Variants in PSPC1 observed in about 807,000 individuals in gnomAD.
The protein encoded by PSPC1 is paraspeckle protein 1.
A neutral mutation model predicts 51.6 loss-of-function variants in PSPC1; 14 were observed. That is an observed-to-expected ratio of 0.27 (90% confidence interval 0.18 to 0.42). The LOEUF (loss-of-function observed/expected upper bound fraction) is 0.42. Ranked by LOEUF, PSPC1 falls within the 10% of genes least tolerant of loss-of-function variation. The pLI, the probability that PSPC1 is intolerant of heterozygous loss-of-function variation, is 1.00. For synonymous variants in PSPC1, 193 were observed against 231.9 expected, an observed-to-expected ratio of 0.83 and a Z score of 1.53; for missense variants, 406 against 701.1, an observed-to-expected ratio of 0.58 and a Z score of 4.75.
intron 2 of PSPC1, among the ~76,000 whole-genome samples, chr13:19,768,284 C>G (rs1364815392): frequency 2.6e-5 from 4 of 151,804 alleles, no homozygotes; most frequent in Non-Finnish European, 5.9e-5. Context: ...CACAGACTGG[C>G]AGGAAGATTT....
chr13:19,707,163 T>G (rs1880790984), intron 7 of PSPC1, among the ~76,000 whole-genome samples: 2 of 152,148 alleles, frequency 1.3e-5, no homozygotes, highest in South Asian at 4.1e-4. Context: ...AATGGTGGGT[T>G]CGGAAGTTTT....
chr13:19,712,625 A>C (rs1881586880), intron 6 of PSPC1, among the ~76,000 whole-genome samples: 2 of 152,148 alleles, frequency 1.3e-5, no homozygotes, highest in South Asian at 4.1e-4. Flanking sequence ...AATTGGTACA[A>C]GTTCTAAAAT....
intron 6 of PSPC1, among the ~76,000 whole-genome samples, chr13:19,694,418 A>C (rs1029067468): frequency 5.9e-5 from 9 of 152,222 alleles, no homozygotes; most frequent in African/African-American, 2.2e-4. Flanking sequence ...CAACAGGTGA[A>C]ATTAGCTTAA....
chr13:19,688,679 G>A (rs371209312), intron 6 of PSPC1, among the ~76,000 whole-genome samples: 162 of 152,208 alleles, frequency 1.1e-3, no homozygotes, highest in Non-Finnish European at 9.9e-4. Flanking sequence ...CTTGCTGGAC[G>A]GAGCTTATAT....
At chr13:19,723,960 C>G (rs979016063) in intron 6 of PSPC1, among the ~76,000 whole-genome samples, 3 of 152,174 alleles carry the variant, frequency 2.0e-5, no homozygotes, top group African/African-American at 7.2e-5. Context: ...CATCATTATA[C>G]CATAAATAAG....
intron 1 of PSPC1, among the ~76,000 whole-genome samples, chr13:19,775,660 C>T (rs1298545503): frequency 1.3e-5 from 2 of 152,174 alleles, no homozygotes; most frequent in African/African-American, 4.8e-5. Context: ...TAGCAGCAAG[C>T]ACTTAATAAA....
At chr13:19,721,574 CTCAGTAGAGAATT>C (rs1348764997) in intron 6 of PSPC1, among the ~76,000 whole-genome samples, 7 of 152,184 alleles carry the variant, frequency 4.6e-5, no homozygotes, top group African/African-American at 1.7e-4. Flanking sequence ...TAATGACACT[CTCAGTAGAGAATT>C]TCATTTTCTA....
At chr13:19,688,584 G>A (rs898886309) in intron 6 of PSPC1, among the ~76,000 whole-genome samples, 1 of 152,082 alleles carries the variant, frequency 6.6e-6, no homozygotes, top group African/African-American at 2.4e-5. Context: ...CTTCTAACAT[G>A]TATCAGTTGT....
chr13:19,676,369 T>C (rs1876635266), intron 7 of PSPC1, among the ~76,000 whole-genome samples: 1 of 152,232 alleles, frequency 6.6e-6, no homozygotes, highest in East Asian at 1.9e-4. Flanking sequence ...CAGATGGCGA[T>C]GCTGCTGGTC....
At chr13:19,735,808 T>C (rs1884702030) in intron 5 of PSPC1, among the ~76,000 whole-genome samples, 1 of 151,834 alleles carries the variant, frequency 6.6e-6, no homozygotes, top group Non-Finnish European at 1.5e-5. Flanking sequence ...TTATACATAC[T>C]GCAAAACTAC....
intron 6 of PSPC1, among the ~76,000 whole-genome samples, chr13:19,695,825 T>C (rs990851465): frequency 1.4e-4 from 21 of 152,140 alleles, no homozygotes; most frequent in Admixed American, 6.6e-5. Context: ...TAATCATTTC[T>C]TGACTGAAGA....
chr13:19,673,197 G>A, downstream of PSPC1: 1 of 441,248 alleles, frequency 2.3e-6, no homozygotes, highest in Admixed American at 2.6e-5. Flanking sequence ...TCAGCTGTGT[G>A]GGAGCCACCA....
At chr13:19,736,489 C>T (rs1318226122) in intron 5 of PSPC1, among the ~76,000 whole-genome samples, 2 of 151,942 alleles carry the variant, frequency 1.3e-5, no homozygotes, top group African/African-American at 2.4e-5. Context: ...CGAGACCATC[C>T]TGGCTAACAC....
chr13:19,716,749 A>T (rs926095679), intron 6 of PSPC1, among the ~76,000 whole-genome samples: 3 of 152,218 alleles, frequency 2.0e-5, no homozygotes, highest in Non-Finnish European at 4.4e-5. Flanking sequence ...ATTCCTAAAA[A>T]TAAATTCCCT....
chr13:19,734,919 C>T (rs569025797), intron 5 of PSPC1, among the ~76,000 whole-genome samples: 2 of 148,096 alleles, frequency 1.4e-5, no homozygotes, highest in Admixed American at 6.8e-5. Flanking sequence ...TGGAGGTTGC[C>T]GTGAGCCGAG....
chr13:19,740,755 C>T (rs1885357641), intron 5 of PSPC1, among the ~76,000 whole-genome samples: 1 of 152,154 alleles, frequency 6.6e-6, no homozygotes. Context: ...TTGAATTAAC[C>T]ACTCTCTCAA....
chr13:19,677,955 G>A, intron 6 of PSPC1: 3 of 363,136 alleles, frequency 8.3e-6, no homozygotes, highest in Non-Finnish European at 1.6e-5. Flanking sequence ...AGTGCTGCGT[G>A]CTGATTATTT....
At chr13:19,706,788 A>G (rs553585889) in intron 7 of PSPC1, among the ~76,000 whole-genome samples, 15 of 152,282 alleles carry the variant, frequency 9.9e-5, no homozygotes, top group African/African-American at 3.4e-4. Context: ...CAATTTTCTG[A>G]TAATAAGAAC....
intron 6 of PSPC1, among the ~76,000 whole-genome samples, chr13:19,688,637 G>A (rs1003248792): frequency 3.3e-5 from 5 of 152,074 alleles, no homozygotes; most frequent in Admixed American, 6.6e-5. Flanking sequence ...TCTACCCCAC[G>A]CTGGCTGCGT....
Sources: allele counts gnomAD v4.1 joint callset (sites outside exome capture counted in the v4.1 genomes callset), GRCh38; gene constraint gnomAD v4.1.1; transcripts MANE v1.5; gene names NCBI Gene and HGNC (gene_info 2026-07-23, HGNC 2026-07-21).